Variants in SGCZ observed in about 807,000 individuals in gnomAD.
SGCZ encodes the protein sarcoglycan zeta.
Under a neutral mutation model 41.3 loss-of-function variants are expected in SGCZ, and 40 were observed. The ratio of observed to expected loss-of-function variants is 0.97; its 90% CI spans 0.75 to 1.26. The LOEUF (loss-of-function observed/expected upper bound fraction) is 1.26, where lower values mean the gene tolerates loss of function less well. SGCZ is among the 50% of genes most tolerant of loss of function. SGCZ has a pLI of 0.00. For missense variants in SGCZ, 552 were observed against 369.8 expected (o/e 1.49, Z -4.04); for synonymous variants, 206 against 137.5 (o/e 1.50, Z -3.49).
intron 1 of SGCZ, among the ~76,000 whole-genome samples, chr8:15,045,683 C>G (rs1804276086): frequency 6.6e-6 from 1 of 152,024 alleles, no homozygotes; most frequent in Admixed American, 6.6e-5. Flanking sequence ...ATATGCATCC[C>G]CGTGTTCTGC....
At chr8:14,600,947 G>A (rs1399605389) in intron 1 of SGCZ, among the ~76,000 whole-genome samples, 1 of 151,062 alleles carries the variant, frequency 6.6e-6, no homozygotes, top group Non-Finnish European at 1.5e-5. Context: ...TTCTGAATCG[G>A]AGATGACTTT....
chr8:15,025,228 C>A (rs1803411714), intron 1 of SGCZ, among the ~76,000 whole-genome samples: 1 of 152,168 alleles, frequency 6.6e-6, no homozygotes, highest in Admixed American at 6.5e-5. Context: ...CCCGCACACA[C>A]ACAACTGCAA....
At chr8:14,442,434 C>G (rs1368150787) in intron 2 of SGCZ, among the ~76,000 whole-genome samples, 1 of 152,140 alleles carries the variant, frequency 6.6e-6, no homozygotes, top group East Asian at 1.9e-4. Context: ...TCCATTAAGT[C>G]TCTTTTTCTT....
rs912854714 is a variant in SGCZ, at chr8:14,998,559, G to C, written c.39+239026C>G. 5.9e-5 allele frequency among the ~76,000 whole-genome samples: 9 copies of C among 152,170 alleles called. No homozygotes were observed. In the East Asian group the frequency reaches 1.7e-3, roughly 29 times the overall value. On this transcript the variant is annotated intron_variant, in intron 1 of 7. Transcript: ENST00000382080. Reference sequence around the variant, plus strand: ...AAGAATCAATCCCATTTACCATGTGGAGTAAAAACTCATCTTGACTTCTGC... The same window carrying C: ...AAGAATCAATCCCATTTACCATGTGCAGTAAAAACTCATCTTGACTTCTGC...
At chr8:15,031,213 T>C (rs901112262) in intron 1 of SGCZ, among the ~76,000 whole-genome samples, 1 of 152,190 alleles carries the variant, frequency 6.6e-6, no homozygotes, top group African/African-American at 2.4e-5. Flanking sequence ...AAAAAATTTA[T>C]TTCCCAGGAT....
At chr8:14,162,765 G>A (rs568553063) in intron 5 of SGCZ, 15 of 152,518 alleles carry the variant, frequency 9.8e-5, no homozygotes, top group Admixed American at 2.0e-4. Context: ...AGGGACAGGC[G>A]TAGGGGTAAG....
chr8:14,398,833 G>C (rs191507741), intron 2 of SGCZ, among the ~76,000 whole-genome samples: 2 of 152,224 alleles, frequency 1.3e-5, no homozygotes, highest in South Asian at 2.1e-4. Flanking sequence ...AGGTGGCTTT[G>C]AGGTGATTAT....
At chr8:14,366,346 C>T (rs558387727) in intron 2 of SGCZ, among the ~76,000 whole-genome samples, 1 of 152,112 alleles carries the variant, frequency 6.6e-6, no homozygotes, top group Non-Finnish European at 1.5e-5. Context: ...TGTGTAAGCA[C>T]AGGAAAAACT....
intron 4 of SGCZ, among the ~76,000 whole-genome samples, chr8:14,236,382 A>C (rs554871487): frequency 6.6e-6 from 1 of 152,140 alleles, no homozygotes; most frequent in South Asian, 2.1e-4. Context: ...TTTACAAATA[A>C]AACTATATTT....
chr8:14,751,233 A>G (rs1474724024), intron 1 of SGCZ, among the ~76,000 whole-genome samples: 1 of 152,176 alleles, frequency 6.6e-6, no homozygotes, highest in African/African-American at 2.4e-5. Context: ...AGTCTCTCTG[A>G]CCAGTTTAAT....
chr8:14,427,270 A>C lies in SGCZ; in HGVS notation c.235-103066T>G, dbSNP rs149853503. On this transcript the variant is annotated intron_variant, in intron 2 of 7. Coordinates refer to ENST00000382080, the MANE Select transcript of SGCZ (RefSeq NM_139167.4). ...ACATGGATGAGGAAATAAGCTATAC[A>C]ACAAACCCCCATGACATAAGTTTAC... is the stretch of plus-strand genomic sequence containing the variant. Among the ~76,000 whole-genome samples the C allele has an allele frequency of 4.5e-3, 691 of 152,248 alleles. 4 individuals are homozygous for C. The highest frequency in any genetic ancestry group is 0.014 in the African/African-American group (584 of 41,536).
At chr8:14,460,621 C>T (rs1279652688) in intron 2 of SGCZ, among the ~76,000 whole-genome samples, 1 of 152,088 alleles carries the variant, frequency 6.6e-6, no homozygotes, top group African/African-American at 2.4e-5. Context: ...ATTGAGTAAT[C>T]ACCAACTGAG....
chr8:14,165,267 TATA>T (rs1436523443), intron 4 of SGCZ: 1 of 152,206 alleles, frequency 6.6e-6, no homozygotes, highest in African/African-American at 2.4e-5. Context: ...AAATTATATA[TATA>T]ATTTCCTTAG....
At chr8:15,172,154 G>GTTTTTTTTTTTT (rs1183210302) in intron 1 of SGCZ, among the ~76,000 whole-genome samples, 5 of 71,770 alleles carry the variant, frequency 7.0e-5, no homozygotes, top group African/African-American at 2.6e-4. Context: ...TTTATACTCT[G>GTTTTTTTTTTTT]TTTTTTTTTT....
intron 1 of SGCZ, among the ~76,000 whole-genome samples, chr8:15,141,907 AAAC>A (rs1395622830): frequency 1.7e-5 from 2 of 119,736 alleles, no homozygotes; most frequent in Non-Finnish European, 3.7e-5. Context: ...AAAAAAAAAA[AAAC>A]AAAAAAAATG....
chr8:15,200,548 A>G (rs1375927310), intron 1 of SGCZ, among the ~76,000 whole-genome samples: 1 of 152,200 alleles, frequency 6.6e-6, no homozygotes, highest in Non-Finnish European at 1.5e-5. Flanking sequence ...TATGACATTC[A>G]TGAGAAGTAA....
intron 1 of SGCZ, among the ~76,000 whole-genome samples, chr8:15,229,921 G>T (rs916976292): frequency 3.3e-5 from 5 of 152,184 alleles, no homozygotes; most frequent in Non-Finnish European, 5.9e-5. Flanking sequence ...AACATGTGTG[G>T]AAATAAGTTA....
chr8:14,278,010 C>G (rs1410722108), intron 3 of SGCZ, among the ~76,000 whole-genome samples: 1 of 152,124 alleles, frequency 6.6e-6, no homozygotes, highest in Non-Finnish European at 1.5e-5. Context: ...AAGAGATTAC[C>G]TATGGGAATT....
chr8:15,171,196 C>T (rs376939401), intron 1 of SGCZ, among the ~76,000 whole-genome samples: 2 of 152,092 alleles, frequency 1.3e-5, no homozygotes, highest in Admixed American at 6.5e-5. Flanking sequence ...ATAAAGTAGT[C>T]TTTGAGTTAG....
Sources: allele counts gnomAD v4.1 joint callset (sites outside exome capture counted in the v4.1 genomes callset), GRCh38; gene constraint gnomAD v4.1.1; transcripts MANE v1.5; gene names NCBI Gene and HGNC (gene_info 2026-07-23, HGNC 2026-07-21).